SEMA6B: variants seen among roughly 807,000 people sequenced by gnomAD.
SEMA6B encodes semaphorin-6B.
In SEMA6B, 47 loss-of-function variants were observed where a neutral mutation model predicts 78.6. The ratio of observed to expected loss-of-function variants is 0.60; its 90% CI spans 0.47 to 0.76. The LOEUF is 0.76. Ranked by LOEUF, SEMA6B falls within the 30% of genes least tolerant of loss-of-function variation. The pLI, the probability that SEMA6B is intolerant of heterozygous loss-of-function variation, is 0.00. For synonymous variants in SEMA6B, 632 were observed against 592.2 expected, an observed-to-expected ratio of 1.07 and a Z score of -0.98; for missense variants, 1,213 against 1,269.9, an observed-to-expected ratio of 0.96 and a Z score of 0.68.
In SEMA6B at chr19:4,558,569, T is replaced by G. The variant is rs570357832; in HGVS notation, c.-32-80A>C. On this transcript the variant is annotated intron_variant, in intron 1 of 16. Coordinates refer to ENST00000586582, the MANE Select transcript of SEMA6B (RefSeq NM_032108.4). The surrounding 1 kb of genome is among the most constrained non-coding windows in gnomAD (Gnocchi z 5.1). ...GACGGCGGGCGAGAGCAGCAGACGC[T>G]CCTTCAAATCCCAGAAAAATTCCTC... is the stretch of plus-strand genomic sequence containing the variant. The G allele has an allele frequency of 3.5e-6, 3 of 867,598 alleles. No homozygotes were observed. Among genetic ancestry groups the G allele is most frequent in the Admixed American group, 4.3e-5 (1 of 23,244 alleles). The allele number at this position is 867,598 out of a possible 1,614,324, so 53.7% of individuals were successfully genotyped here.
rs1977359351 is a variant in SEMA6B at position 4,552,531 on chromosome 19, C to G, written c.880G>C (p.Val294Leu). ...SFLKARLNCSVPGDSHFYFNV... is the reference protein window; with the variant it reads ...SFLKARLNCSLPGDSHFYFNV... ...AAGTAGAAATGGGAGTCTCCGGGTA[C>G]AGAGCAGTTGAGCCGCGCCTTCAGG... Residue 294 changes from valine to leucine, a missense_variant, in exon 10 of 17, where the codon GTA (valine) becomes CTA (leucine). Physicochemically the swap from Val to Leu is conservative, Grantham distance 32 (BLOSUM62 1). Transcript: ENST00000586582. The surrounding 1 kb of genome is among the most constrained non-coding windows in gnomAD (Gnocchi z 7.4). The G allele has an allele frequency of 6.2e-7, 1 of 1,612,792 alleles. No homozygotes were observed. The highest frequency in any genetic ancestry group is 1.3e-5 in the African/African-American group (1 of 74,932).
At position 4,558,312 on chromosome 19, in the gene SEMA6B, C is replaced by A. The variant is rs769465525; in HGVS notation, c.121+25G>T. ...AGATACTCCCACGGGACTCCACCCC[C>A]GCCCAAAGACACCCCCAGACTCACA... On this transcript the variant is annotated intron_variant, in intron 2 of 16. Transcript: ENST00000586582. The surrounding 1 kb of genome is among the most constrained non-coding windows in gnomAD (Gnocchi z 5.1). 1 of 1,315,886 alleles carries A rather than the reference C, an allele frequency of 7.6e-7. No individual in the cohort carries two copies. The highest frequency in any genetic ancestry group is 2.6e-5 in the South Asian group (1 of 38,238). 81.5% of individuals were successfully genotyped at this position (1,315,886 alleles called of 1,614,324 possible).
intron 10 of SEMA6B, among the ~76,000 whole-genome samples, chr19:4,551,795 C>T (rs948966744): frequency 3.3e-5 from 5 of 151,492 alleles, no homozygotes; most frequent in African/African-American, 7.3e-5. Flanking sequence ...CGCCACTGCA[C>T]TCCAGCCTGG....
In SEMA6B at chr19:4,558,469, G is replaced by C. The variant is rs1977535954; in HGVS notation, c.-12C>G. ...CGCGGGGTCTGCATGGCGAGGGCCA[G>C]GCGACAGGAGGAGGTGACGCCTGCG... On this transcript the variant is annotated 5_prime_UTR_variant, in exon 2 of 17. Coordinates refer to ENST00000586582, the MANE Select transcript of SEMA6B (RefSeq NM_032108.4). The surrounding 1 kb of genome is among the most constrained non-coding windows in gnomAD (Gnocchi z 5.1). 1 of 1,240,836 alleles carries C rather than the reference G, an allele frequency of 8.1e-7. No individual in the cohort carries two copies. Among genetic ancestry groups the C allele is most frequent in the Non-Finnish European group, 1.0e-6 (1 of 988,882 alleles). 76.9% of individuals were successfully genotyped at this position (1,240,836 alleles called of 1,614,324 possible). A position where few individuals can be genotyped will look rare whatever the true frequency, so the allele number is the denominator to read the frequency against.
chr19:4,553,448 GTGGATGGATGGATGGA>G (rs763844125), intron 9 of SEMA6B, among the ~76,000 whole-genome samples: 1 of 116,064 alleles, frequency 8.6e-6, no homozygotes, highest in African/African-American at 3.7e-5. Context: ...GGATGGGTGA[GTGGATGGATGGATGGA>G]TGGATGGATG....
At position 4,552,304 on chromosome 19, in the gene SEMA6B, AG is replaced by A. The variant is rs1179089473; in HGVS notation, c.989+117del. The A allele has an allele frequency of 5.0e-6, 5 of 998,754 alleles. No homozygotes were observed. The highest frequency in any genetic ancestry group is 5.9e-6 in the Non-Finnish European group (4 of 682,946). The allele number at this position is 998,754 out of a possible 1,614,324, so 61.9% of individuals were successfully genotyped here. A position where few individuals can be genotyped will look rare whatever the true frequency, so the allele number is the denominator to read the frequency against. ...CCAGCCTGGGGCCGAGGCCTCTCAG[AG>A]GTCTAATCCAGTGGTGCCCAACCTA... On this transcript the variant is annotated intron_variant, in intron 10 of 16. Coordinates refer to ENST00000586582, the MANE Select transcript of SEMA6B (RefSeq NM_032108.4). This position sits in a 1 kb window ranked among gnomAD's most constrained non-coding sequence, Gnocchi z 7.4.
At chr19:4,557,689 C>A (rs1316681884) in intron 3 of SEMA6B, among the ~76,000 whole-genome samples, 1 of 152,188 alleles carries the variant, frequency 6.6e-6, no homozygotes, top group East Asian at 1.9e-4. Context: ...ACACTTGCTT[C>A]TCCCCACGAC....
At position 4,558,146 on chromosome 19, in the gene SEMA6B, A is replaced by G. The variant is rs1350264969; in HGVS notation, c.125T>C (p.Leu42Pro). 1 of 1,478,356 alleles carries G rather than the reference A, an allele frequency of 6.8e-7. No individual in the cohort carries two copies. The highest frequency in any genetic ancestry group is 9.1e-7 in the Non-Finnish European group (1 of 1,102,664). The allele number at this position is 1,478,356 out of a possible 1,614,324, so 91.6% of individuals were successfully genotyped here. A position where few individuals can be genotyped will look rare whatever the true frequency, so the allele number is the denominator to read the frequency against. ...GCCCACAAACACGGGATAGTGGTTC[A>G]GGTCTGAGTGAGGGGGTGGAGAGGG... The part of the protein sequence containing the change: ...PPLSVAPRDY[L>P]NHYPVFVGSG... Residue 42 changes from leucine to proline, a missense_variant, in exon 3 of 17, where the codon CTG becomes CCG. Transcript: ENST00000586582. The surrounding 1 kb of genome is among the most constrained non-coding windows in gnomAD (Gnocchi z 5.1).
rs1977532300 is a variant in SEMA6B, at chr19:4,558,407, C to G, written c.51G>C (p.Leu17=). The G allele has an allele frequency of 7.9e-7, 1 of 1,268,370 alleles. No homozygotes were observed. Among genetic ancestry groups the G allele is most frequent in the Non-Finnish European group, 1.0e-6 (1 of 999,362 alleles). The allele number at this position is 1,268,370 out of a possible 1,614,324, so 78.6% of individuals were successfully genotyped here. The change falls in exon 2 of 17, where the codon CTG becomes CTC. Residue 17 remains leucine (L), a synonymous_variant. Coordinates refer to ENST00000586582, the MANE Select transcript of SEMA6B (RefSeq NM_032108.4). This position sits in a 1 kb window ranked among gnomAD's most constrained non-coding sequence, Gnocchi z 5.1. ...SPPRPALLLL[L]LLLGGAHGLF... The stretch of plus-strand genomic sequence containing the variant: ...GGCCGTGGGCGCCCCCCAGTAGCAG[C>G]AGCAGAAGCAGCAGGGCCGGGCGGG...
At chr19:4,546,177 G>A in intron 16 of SEMA6B, 39 bp downstream of exon 16, 1 of 1,564,244 alleles carries the variant, frequency 6.4e-7, no homozygotes, top group African/African-American at 1.4e-5. Flanking sequence ...CCATGGTAGT[G>A]GGGGATGGGG....
chr19:4,557,868 T>C (rs181715777), intron 3 of SEMA6B, among the ~76,000 whole-genome samples, 158 bp downstream of exon 3: 7 of 152,222 alleles, frequency 4.6e-5, no homozygotes, highest in Admixed American at 1.3e-4. Context: ...AAACCCTCCG[T>C]GGCTCCCACC....
At position 4,550,135 on chromosome 19, in the gene SEMA6B, C is replaced by T. The variant is rs759763779; in HGVS notation, c.1259G>A (p.Arg420Gln). Reference sequence around the variant, plus strand: ...CTCCAGGACCGACCTCATCAGGGTCCGCAGGATCCAGGGCGCATGGCCCAG... The same window carrying T: ...CTCCAGGACCGACCTCATCAGGGTCTGCAGGATCCAGGGCGCATGGCCCAG... ...PSLGHAPWILRTLMRHQLTRV... is the reference protein window; with the variant it reads ...PSLGHAPWILQTLMRHQLTRV... Residue 420 changes from arginine (R) to glutamine (Q), a missense_variant, in exon 12 of 17, where the codon CGG becomes CAG. Coordinates refer to ENST00000586582, the MANE Select transcript of SEMA6B (RefSeq NM_032108.4). The surrounding 1 kb of genome is among the most constrained non-coding windows in gnomAD (Gnocchi z 6.6). 89 of 1,613,596 alleles carry T rather than the reference C, an allele frequency of 5.5e-5. No homozygotes were observed. The highest frequency in any genetic ancestry group is 2.7e-4 in the South Asian group (25 of 91,080).
At position 4,550,227 on chromosome 19, in the gene SEMA6B, G is replaced by A. The variant is rs1225857442; in HGVS notation, c.1167C>T (p.Ser389=). Reference sequence around the variant, plus strand: ...AGTTGAGGATGTCATCCGGCAAGGCGCTGGAGGCATTGTACTGCATCCCGG... The same window carrying A: ...AGTTGAGGATGTCATCCGGCAAGGCACTGGAGGCATTGTACTGCATCCCGG... ...AAPGMQYNAS[S]ALPDDILNFV... The change falls in exon 12 of 17, where the codon AGC becomes AGT. Residue 389 remains serine (S), a synonymous_variant. Transcript: ENST00000586582. This position sits in a 1 kb window ranked among gnomAD's most constrained non-coding sequence, Gnocchi z 6.6. 3.1e-6 allele frequency: 5 copies of A among 1,613,566 alleles called. No homozygotes were observed. The highest frequency in any genetic ancestry group is 2.2e-5 in the East Asian group (1 of 44,884).
rs1327807049 is a variant in SEMA6B, at chr19:4,544,348, C to A, written c.1920G>T (p.Leu640=). The change falls in exon 17 of 17, where the codon CTG becomes CTT. Residue 640 remains leucine (L), a synonymous_variant. Transcript: ENST00000586582. This position sits in a 1 kb window ranked among gnomAD's most constrained non-coding sequence, Gnocchi z 5.1. ...GCACCGCCTCGCCCGCCCCGTGCGC[C>A]AGGATGGCCTCCTTGTCCTTGCGCC... ...LARRKDKEAI[L]AHGAGEAVLS... 2 of 1,552,276 alleles carry A rather than the reference C, an allele frequency of 1.3e-6. No homozygotes were observed. The highest frequency in any genetic ancestry group is 2.8e-5 in the African/African-American group (2 of 70,452).
chr19:4,550,441 G>A lies in SEMA6B; in HGVS notation c.1122-169C>T, dbSNP rs1041308543. Among the ~76,000 whole-genome samples the A allele has an allele frequency of 6.6e-6, 1 of 152,050 alleles. No individual in the cohort carries two copies. The highest frequency in any genetic ancestry group is 2.4e-5 in the African/African-American group (1 of 41,386). On this transcript the variant is annotated intron_variant, in intron 11 of 16. Coordinates refer to ENST00000586582, the MANE Select transcript of SEMA6B (RefSeq NM_032108.4). This position sits in a 1 kb window ranked among gnomAD's most constrained non-coding sequence, Gnocchi z 6.6. ...CCAGGCTGGAGTGCTTTGGCTCACTGCAACCTCCACCTCCTGGGTTCAAGC... is the reference window on the plus strand; with the variant it reads ...CCAGGCTGGAGTGCTTTGGCTCACTACAACCTCCACCTCCTGGGTTCAAGC...
chr19:4,546,328 A>T, intron 15 of SEMA6B, 54 bp from the exon 16 acceptor site: 1 of 1,603,050 alleles, frequency 6.2e-7, no homozygotes, highest in South Asian at 1.1e-5. Flanking sequence ...GTCAGAGATC[A>T]GGGGGATCTG....
chr19:4,543,134 G>C lies in SEMA6B; in HGVS notation c.*467C>G. 1 of 617,474 alleles carries C rather than the reference G, an allele frequency of 1.6e-6. No individual in the cohort carries two copies. Among genetic ancestry groups the C allele is most frequent in the South Asian group, 1.8e-5 (1 of 54,810 alleles). 38.2% of individuals were successfully genotyped at this position (617,474 alleles called of 1,614,324 possible). A position where few individuals can be genotyped will look rare whatever the true frequency, so the allele number is the denominator to read the frequency against. ...TTGCACACGAACACGGCACGCACACGCACGCACACCCACACACGCCAGGGG... is the reference window on the plus strand; with the variant it reads ...TTGCACACGAACACGGCACGCACACCCACGCACACCCACACACGCCAGGGG... On this transcript the variant is annotated 3_prime_UTR_variant, in exon 17 of 17. Coordinates refer to ENST00000586582, the MANE Select transcript of SEMA6B (RefSeq NM_032108.4).
Position 4,552,705 on chromosome 19 carries a change from G to A in SEMA6B, c.772-66C>T. On this transcript the variant is annotated intron_variant, in intron 9 of 16. Coordinates refer to ENST00000586582, the MANE Select transcript of SEMA6B (RefSeq NM_032108.4). The surrounding 1 kb of genome is among the most constrained non-coding windows in gnomAD (Gnocchi z 7.4). ...TCCCAGGAAGGCCTGTTCACAGGCT[G>A]TGCCACTCACCACCCAAACTGTGAT... 6.9e-7 allele frequency: 1 copy of A among 1,452,400 alleles called. No homozygotes were observed. The highest frequency in any genetic ancestry group is 2.3e-5 in the East Asian group (1 of 42,758). The allele number at this position is 1,452,400 out of a possible 1,614,324, so 90.0% of individuals were successfully genotyped here.
intron 14 of SEMA6B, 93 bp downstream of exon 14, chr19:4,547,934 C>T: frequency 7.2e-7 from 1 of 1,396,740 alleles, no homozygotes. Context: ...ATGACCAGGA[C>T]ATCATTGGGC....
Sources: gnomAD v4.1 joint callset for allele counts (sites outside exome capture counted in the v4.1 genomes callset) on GRCh38, gnomAD v4.1.1 for gene constraint, Gnocchi (gnomAD v3.1) non-coding constraint, MANE v1.5 for transcripts, NCBI Gene and HGNC (gene_info 2026-07-23, HGNC 2026-07-21) for gene names.